SNX25: variants seen among roughly 807,000 people sequenced by gnomAD.
SNX25 encodes sorting nexin-25.
SNX25 carries 62 observed loss-of-function variants against 113.7 expected under a neutral mutation model. The ratio of observed to expected loss-of-function variants is 0.55; its 90% CI spans 0.44 to 0.67. The LOEUF (loss-of-function observed/expected upper bound fraction) is 0.67. Ranked by LOEUF, SNX25 falls within the 30% of genes least tolerant of loss-of-function variation. The pLI is 0.00. For synonymous variants in SNX25, 421 were observed against 436.2 expected (o/e 0.97, Z 0.43); for missense variants, 1,014 against 1,161.0 (o/e 0.87, Z 1.84).
At chr4:185,320,906 T>C (rs770658254) in intron 8 of SNX25, 42 bp downstream of exon 8, 2 of 1,506,372 alleles carry the variant, frequency 1.3e-6, no homozygotes, top group Non-Finnish European at 1.8e-6. Context: ...CACTAGCTGA[T>C]GTAAACTTGG....
At chr4:185,225,179 C>T (rs867349051) in intron 1 of SNX25, among the ~76,000 whole-genome samples, 10 of 145,078 alleles carry the variant, frequency 6.9e-5, no homozygotes, top group South Asian at 2.1e-4. Flanking sequence ...AGTGCAGTGG[C>T]GCCATCTCGG....
At chr4:185,254,763 C>T (rs571936310) in intron 2 of SNX25, among the ~76,000 whole-genome samples, 1 of 152,178 alleles carries the variant, frequency 6.6e-6, no homozygotes. Context: ...TTTACCTACT[C>T]ATTTCTTTGA....
At chr4:185,266,303 T>C (rs1464136102) in intron 4 of SNX25, among the ~76,000 whole-genome samples, 1 of 152,200 alleles carries the variant, frequency 6.6e-6, no homozygotes, top group East Asian at 1.9e-4. Flanking sequence ...CAAAACGTAT[T>C]GAGCCTTATA....
intron 5 of SNX25, among the ~76,000 whole-genome samples, chr4:185,278,305 TGGCCAAGAGCTTG>T (rs1750047914): frequency 1.3e-5 from 2 of 152,222 alleles, no homozygotes; most frequent in Admixed American, 1.3e-4. Flanking sequence ...AGGTAGACCC[TGGCCAAGAGCTTG>T]GGCTCAAGAG....
chr4:185,208,688 A>G (rs1737315984), upstream of SNX25, among the ~76,000 whole-genome samples: 1 of 152,060 alleles, frequency 6.6e-6, no homozygotes, highest in African/African-American at 2.4e-5. Context: ...AGATCGCCCC[A>G]CTGCACTCCA....
At chr4:185,216,628 T>G (rs571093256) in intron 1 of SNX25, among the ~76,000 whole-genome samples, 1 of 149,128 alleles carries the variant, frequency 6.7e-6, no homozygotes, top group Admixed American at 6.8e-5. Context: ...CAAGCGATTC[T>G]CCTGCCTCAG....
At chr4:185,374,419 A>G (rs999393873), downstream of SNX25, 3 of 1,614,044 alleles carry the variant, frequency 1.9e-6, no homozygotes, top group African/African-American at 1.3e-5. Context: ...GCTTTGGGAC[A>G]TGGAGAATCA....
At chr4:185,333,508 T>C (rs531742206) in intron 10 of SNX25, among the ~76,000 whole-genome samples, 1 of 152,330 alleles carries the variant, frequency 6.6e-6, no homozygotes, top group South Asian at 2.1e-4. Context: ...GCTTTTATAG[T>C]AGGAGAATAT....
upstream of SNX25, among the ~76,000 whole-genome samples, chr4:185,204,869 G>C (rs1311172432): frequency 6.6e-6 from 1 of 152,190 alleles, no homozygotes; most frequent in Non-Finnish European, 1.5e-5. Flanking sequence ...GAAGGAACTA[G>C]AGCCTGCAAA....
Position 185,323,875 on chromosome 4 carries a change from T to C in SNX25, c.1749+75T>C, listed in dbSNP as rs2095137795. Reference sequence around the variant, plus strand: ...TATGTTTAAGTGGGTGCATATTGTGTGAGCCAAATTTGATGCACATCTTCA... The same window carrying C: ...TATGTTTAAGTGGGTGCATATTGTGCGAGCCAAATTTGATGCACATCTTCA... On this transcript the variant is annotated intron_variant, in intron 9 of 18. Transcript: ENST00000652585. 2.6e-6 allele frequency: 4 copies of C among 1,510,194 alleles called. No individual in the cohort carries two copies. In the East Asian group the frequency reaches 9.1e-5, roughly 34 times the overall value. The allele number at this position is 1,510,194 out of a possible 1,614,324, so 93.5% of individuals were successfully genotyped here. A position where few individuals can be genotyped will look rare whatever the true frequency, so the allele number is the denominator to read the frequency against.
chr4:185,343,116 C>T (rs1219623193), intron 12 of SNX25, among the ~76,000 whole-genome samples: 1 of 152,160 alleles, frequency 6.6e-6, no homozygotes, highest in Non-Finnish European at 1.5e-5. Flanking sequence ...GTCTCGAACT[C>T]CTGACCTCGG....
At chr4:185,320,967 A>G (rs1039758430) in intron 8 of SNX25, 103 bp downstream of exon 8, 1 of 1,006,392 alleles carries the variant, frequency 9.9e-7, no homozygotes, top group African/African-American at 1.7e-5. Flanking sequence ...CATTAAAAAT[A>G]TTTTAAACCA....
chr4:185,232,660 A>C lies in SNX25; in HGVS notation c.430-14634A>C, dbSNP rs1041705343. ...CATGACTAAAGATCTCTGTGAAAAA[A>C]GCAATTCAACGTGACTCATCCAGTT... On this transcript the variant is annotated intron_variant, in intron 1 of 18. Coordinates refer to ENST00000652585, the MANE Select transcript of SNX25 (RefSeq NM_001378034.2). This position sits in a 1 kb window ranked among gnomAD's most constrained non-coding sequence, Gnocchi z 4.4. 6.6e-6 allele frequency among the ~76,000 whole-genome samples: 1 copy of C among 152,260 alleles called. No individual in the cohort carries two copies. The highest frequency in any genetic ancestry group is 2.4e-5 in the African/African-American group (1 of 41,472).
intron 1 of SNX25, among the ~76,000 whole-genome samples, chr4:185,239,556 TTC>T (rs1009080839): frequency 2.6e-5 from 4 of 152,184 alleles, no homozygotes; most frequent in African/African-American, 9.6e-5. Context: ...TCTTAAAATT[TTC>T]TCTCTCTGCA....
At chr4:185,354,520 G>A (rs1020217637) in intron 15 of SNX25, among the ~76,000 whole-genome samples, 1 of 152,132 alleles carries the variant, frequency 6.6e-6, no homozygotes, top group African/African-American at 2.4e-5. Context: ...GGACAGCCCC[G>A]CGGCAGAGTT....
At chr4:185,356,763 G>T (rs773471708) in intron 15 of SNX25, among the ~76,000 whole-genome samples, 2 of 152,200 alleles carry the variant, frequency 1.3e-5, no homozygotes, top group Non-Finnish European at 2.9e-5. Context: ...CATTATGACT[G>T]AGTCTGAATT....
downstream of SNX25, chr4:185,366,279 A>C (rs1444192999): frequency 2.6e-5 from 4 of 152,246 alleles, no homozygotes; most frequent in Non-Finnish European, 2.9e-5. Context: ...TAGTTCTTGT[A>C]AATGATTTCA....
chr4:185,374,166 TAATACAGCCCGAGC>T (rs763870110), downstream of SNX25: 4 of 1,614,014 alleles, frequency 2.5e-6, no homozygotes, highest in South Asian at 4.4e-5. Context: ...CTTGGTTGAG[TAATACAGCCCGAGC>T]ATACTTTGAG....
intron 6 of SNX25, among the ~76,000 whole-genome samples, chr4:185,309,468 C>T (rs1336703924): frequency 6.6e-6 from 1 of 152,208 alleles, no homozygotes; most frequent in Non-Finnish European, 1.5e-5. Flanking sequence ...TATCACCTGC[C>T]ATATTGTCCA....
Sources: allele counts gnomAD v4.1 joint callset (sites outside exome capture counted in the v4.1 genomes callset), GRCh38; gene constraint gnomAD v4.1.1; non-coding constraint Gnocchi (gnomAD v3.1); transcripts MANE v1.5; gene names NCBI Gene and HGNC (gene_info 2026-07-23, HGNC 2026-07-21).